Variants in KLHL2 observed in about 807,000 individuals in gnomAD.
KLHL2 encodes the protein kelch-like protein 2.
In KLHL2, 15 loss-of-function variants were observed where a neutral mutation model predicts 75.8. The observed-to-expected ratio is 0.20, with a 90% CI of 0.13 to 0.30. KLHL2 has a LOEUF of 0.30. Ranked by LOEUF, KLHL2 falls within the 10% of genes least tolerant of loss-of-function variation. The pLI, the probability that KLHL2 is intolerant of heterozygous loss-of-function variation, is 1.00. For missense variants in KLHL2, 381 were observed against 741.0 expected, an observed-to-expected ratio of 0.51 and a Z score of 5.64; for synonymous variants, 214 against 251.9, an observed-to-expected ratio of 0.85 and a Z score of 1.42.
At chr4:165,256,875 T>C (rs1741220026) in intron 4 of KLHL2, among the ~76,000 whole-genome samples, 2 of 152,270 alleles carry the variant, frequency 1.3e-5, no homozygotes, top group South Asian at 4.1e-4. Context: ...AAAAAAGGGG[T>C]CATACTGTAG....
At chr4:165,238,921 C>T in intron 4 of KLHL2, 22 bp downstream of exon 4, 1 of 1,583,550 alleles carries the variant, frequency 6.3e-7, no homozygotes, top group Non-Finnish European at 8.5e-7. Context: ...CACTTCACAC[C>T]ATCTAGCTTT....
intron 4 of KLHL2, among the ~76,000 whole-genome samples, chr4:165,243,752 A>G (rs754991629): frequency 5.9e-5 from 9 of 152,182 alleles, no homozygotes; most frequent in Non-Finnish European, 1.3e-4. Context: ...TGCTGTATAG[A>G]TAGTGTTTTA....
chr4:165,302,583 G>A (rs573968328), intron 8 of KLHL2, among the ~76,000 whole-genome samples: 1 of 152,112 alleles, frequency 6.6e-6, no homozygotes, highest in African/African-American at 2.4e-5. Context: ...GGTATCCTTG[G>A]ATTTGCACAT....
intron 5 of KLHL2, among the ~76,000 whole-genome samples, chr4:165,293,881 A>G (rs1382850774): frequency 1.3e-5 from 2 of 152,078 alleles, no homozygotes; most frequent in African/African-American, 2.4e-5. Context: ...AGATTTCTTT[A>G]GTTTCCAAAT....
chr4:165,268,652 A>G (rs1454170055), intron 5 of KLHL2, among the ~76,000 whole-genome samples: 1 of 152,124 alleles, frequency 6.6e-6, no homozygotes, highest in Non-Finnish European at 1.5e-5. Flanking sequence ...CTGAGTTCTA[A>G]TTTGATTGCA....
chr4:165,234,990 C>G (rs1352421077), intron 3 of KLHL2, among the ~76,000 whole-genome samples: 1 of 151,776 alleles, frequency 6.6e-6, no homozygotes, highest in Non-Finnish European at 1.5e-5. Context: ...CAGAATGAGA[C>G]TCTGTCTCAA....
chr4:165,215,981 T>C (rs896558437), intron 1 of KLHL2, among the ~76,000 whole-genome samples: 9 of 152,146 alleles, frequency 5.9e-5, no homozygotes, highest in African/African-American at 2.2e-4. Context: ...AAAAATTGCT[T>C]GGGTGATTCT....
intron 11 of KLHL2, among the ~76,000 whole-genome samples, chr4:165,312,006 GT>G (rs1746240844): frequency 6.6e-6 from 1 of 152,098 alleles, no homozygotes; most frequent in South Asian, 2.1e-4. Flanking sequence ...GGATGAAACT[GT>G]TCCCACCTCA....
At chr4:165,263,835 C>A (rs1741926225) in intron 5 of KLHL2, among the ~76,000 whole-genome samples, 1 of 104,132 alleles carries the variant, frequency 9.6e-6, no homozygotes, top group South Asian at 3.4e-4. Flanking sequence ...TTTTTGCATC[C>A]ATGAAAACAA....
rs1332978048 is a variant in KLHL2, at chr4:165,239,706, G to A, written c.381+807G>A. Among the ~76,000 whole-genome samples, 15 of 152,258 alleles carry A rather than the reference G, an allele frequency of 9.9e-5. No homozygotes were observed. In the East Asian group the frequency reaches 2.9e-3, roughly 29 times the overall value. ...ATGTTTAAATAATACAGATGGGTGT[G>A]GAGTAAAAGGTGAAAATCCCTCTTT... On this transcript the variant is annotated intron_variant, in intron 4 of 14. Coordinates refer to ENST00000226725, the MANE Select transcript of KLHL2 (RefSeq NM_007246.4).
At chr4:165,299,390 A>T in intron 7 of KLHL2, 117 bp from the exon 8 acceptor site, 2 of 857,618 alleles carry the variant, frequency 2.3e-6, no homozygotes, top group Non-Finnish European at 3.3e-6. Flanking sequence ...GTTTATTTTT[A>T]GACTAAACTA....
intron 4 of KLHL2, among the ~76,000 whole-genome samples, chr4:165,262,324 C>T (rs1324824506): frequency 4.6e-5 from 7 of 152,128 alleles, no homozygotes; most frequent in Non-Finnish European, 8.8e-5. Flanking sequence ...GAGAAACTGT[C>T]TGCTTATAGG....
At chr4:165,316,269 T>TATA (rs1377809434) in intron 13 of KLHL2, among the ~76,000 whole-genome samples, 1 of 152,184 alleles carries the variant, frequency 6.6e-6, no homozygotes, top group East Asian at 1.9e-4. Flanking sequence ...TTTAGAACAA[T>TATA]ATAGTCTCCT....
Position 165,219,754 on chromosome 4 carries a change from T to C in KLHL2, c.27-180T>C, listed in dbSNP as rs1248543194. 3.8e-6 allele frequency: 5 copies of C among 1,310,050 alleles called. No individual in the cohort carries two copies. The East Asian group carries it at 1.1e-4, about 30-fold the overall frequency. 81.2% of individuals were successfully genotyped at this position (1,310,050 alleles called of 1,614,324 possible). On this transcript the variant is annotated intron_variant, in intron 1 of 14. Coordinates refer to ENST00000226725, the MANE Select transcript of KLHL2 (RefSeq NM_007246.4). ...ACCCACTTTTTAATTGAAACCATAGTGTCCATCAGAAACTGTTCTTAATTG... is the reference window on the plus strand; with the variant it reads ...ACCCACTTTTTAATTGAAACCATAGCGTCCATCAGAAACTGTTCTTAATTG...
chr4:165,309,988 A>T (rs533982052), intron 9 of KLHL2, among the ~76,000 whole-genome samples: 3 of 152,320 alleles, frequency 2.0e-5, no homozygotes, highest in African/African-American at 7.2e-5. Context: ...ATTGATATTT[A>T]AAAAAACCAA....
At chr4:165,297,556 G>A in intron 6 of KLHL2, 53 bp from the exon 7 acceptor site, 3 of 1,007,264 alleles carry the variant, frequency 3.0e-6, no homozygotes, top group Non-Finnish European at 4.8e-6. Flanking sequence ...TTATCCAGAT[G>A]CCTTGATACA....
At chr4:165,297,550 C>T (rs1745010438) in intron 6 of KLHL2, 59 bp from the exon 7 acceptor site, 2 of 959,970 alleles carry the variant, frequency 2.1e-6, no homozygotes, top group Non-Finnish European at 3.4e-6. Context: ...CATATTTTAT[C>T]CAGATGCCTT....
At chr4:165,245,946 G>T (rs1740223965) in intron 4 of KLHL2, among the ~76,000 whole-genome samples, 2 of 151,912 alleles carry the variant, frequency 1.3e-5, no homozygotes, top group South Asian at 4.2e-4. Flanking sequence ...TCTATTCTAT[G>T]CCAGACACTG....
At chr4:165,244,337 G>A (rs1740059188) in intron 4 of KLHL2, among the ~76,000 whole-genome samples, 2 of 152,336 alleles carry the variant, frequency 1.3e-5, no homozygotes, top group African/African-American at 4.8e-5. Context: ...AATCCAACAT[G>A]TATGAGTTGG....
Sources: gnomAD v4.1 joint callset for allele counts (sites outside exome capture counted in the v4.1 genomes callset) on GRCh38, gnomAD v4.1.1 for gene constraint, MANE v1.5 for transcripts, NCBI Gene and HGNC (gene_info 2026-07-23, HGNC 2026-07-21) for gene names.